The following SERINC5 variants were observed in gnomAD, a reference collection of about 807,000 sequenced individuals.
SERINC5 encodes serine incorporator 5.
SERINC5 carries 41 observed loss-of-function variants against 63.1 expected under a neutral mutation model. The observed-to-expected ratio is 0.65, with a 90% CI of 0.51 to 0.84. SERINC5 has a LOEUF of 0.84. Among genes scored for constraint, SERINC5 ranks in the 40% least tolerant of loss-of-function variants. The pLI is 0.00. For synonymous variants in SERINC5, 222 were observed against 215.2 expected, an observed-to-expected ratio of 1.03 and a Z score of -0.28; for missense variants, 523 against 573.0, an observed-to-expected ratio of 0.91 and a Z score of 0.89.
At chr5:80,206,733 C>T (rs1750182285) in intron 1 of SERINC5, among the ~76,000 whole-genome samples, 2 of 151,946 alleles carry the variant, frequency 1.3e-5, no homozygotes, top group South Asian at 2.1e-4. Context: ...TACAACTGTC[C>T]CCTCCCCACT....
chr5:80,206,449 A>G (rs915715924), intron 1 of SERINC5, among the ~76,000 whole-genome samples: 4 of 152,066 alleles, frequency 2.6e-5, no homozygotes, highest in Admixed American at 6.6e-5. Flanking sequence ...ATCACTACAA[A>G]TTTTTCCTAA....
chr5:80,213,437 C>T (rs1422954473), intron 1 of SERINC5, among the ~76,000 whole-genome samples: 1 of 152,118 alleles, frequency 6.6e-6, no homozygotes, highest in African/African-American at 2.4e-5. Flanking sequence ...ACAGAGCCCG[C>T]AAGTACTAGA....
intron 7 of SERINC5, among the ~76,000 whole-genome samples, chr5:80,160,794 TTGTC>T (rs971367827): frequency 4.2e-4 from 64 of 152,158 alleles, no homozygotes; most frequent in African/African-American, 1.4e-3. Context: ...CATGCAGTAT[TTGTC>T]TGTGTCTGCT....
At chr5:80,198,403 C>G (rs777263986) in intron 2 of SERINC5, 5 of 382,384 alleles carry the variant, frequency 1.3e-5, no homozygotes, top group Non-Finnish European at 1.8e-5. Flanking sequence ...GCAGTCCCCT[C>G]TTACTCAAAC....
intron 11 of SERINC5, among the ~76,000 whole-genome samples, chr5:80,125,972 G>A (rs1042204759): frequency 1.3e-5 from 2 of 152,192 alleles, no homozygotes; most frequent in Admixed American, 6.5e-5. Flanking sequence ...CTAGACTCAC[G>A]CTGGTTCAGT....
At chr5:80,198,148 A>G (rs1749621844) in intron 2 of SERINC5, among the ~76,000 whole-genome samples, 1 of 152,066 alleles carries the variant, frequency 6.6e-6, no homozygotes, top group African/African-American at 2.4e-5. Flanking sequence ...TCTAAAATGG[A>G]TTTTTAATCC....
chr5:80,128,469 G>T (rs1427307635), intron 11 of SERINC5: 6 of 152,066 alleles, frequency 3.9e-5, no homozygotes, highest in Non-Finnish European at 8.8e-5. Flanking sequence ...CTGATATAAT[G>T]GTTATACAAA....
chr5:80,196,354 G>A (rs1580150554), intron 2 of SERINC5, among the ~76,000 whole-genome samples: 1 of 152,100 alleles, frequency 6.6e-6, no homozygotes, highest in Admixed American at 6.6e-5. Flanking sequence ...AAAAAAAGAT[G>A]TACCATTAAG....
At chr5:80,254,494 G>A (rs965806411) in intron 1 of SERINC5, among the ~76,000 whole-genome samples, 2 of 152,226 alleles carry the variant, frequency 1.3e-5, no homozygotes, top group African/African-American at 4.8e-5. Flanking sequence ...GGCAGAAAGA[G>A]CCTCAAGGGG....
chr5:80,234,225 T>C (rs1751585972), intron 1 of SERINC5, among the ~76,000 whole-genome samples: 1 of 152,162 alleles, frequency 6.6e-6, no homozygotes, highest in South Asian at 2.1e-4. Flanking sequence ...GAATAATACT[T>C]CCTAATAATC....
chr5:80,143,653 G>T lies in SERINC5; in HGVS notation c.*10C>A. On this transcript the variant is annotated 3_prime_UTR_variant, in exon 12 of 12. Transcript: ENST00000507668. Reference sequence around the variant, plus strand: ...GTAGGCCCACAAAGCCCAGGGGACCGCCGATATCATCACACAGAGAACTCC... The same window carrying T: ...GTAGGCCCACAAAGCCCAGGGGACCTCCGATATCATCACACAGAGAACTCC... 1 of 1,535,422 alleles carries T rather than the reference G, an allele frequency of 6.5e-7. No individual in the cohort carries two copies. Among genetic ancestry groups the T allele is most frequent in the Non-Finnish European group, 8.7e-7 (1 of 1,146,552 alleles).
At chr5:80,164,649 G>A (rs1201227356) in intron 7 of SERINC5, among the ~76,000 whole-genome samples, 1 of 152,002 alleles carries the variant, frequency 6.6e-6, no homozygotes, top group African/African-American at 2.4e-5. Context: ...CTCCCAAAGT[G>A]CTAGGATTAC....
Position 80,222,241 on chromosome 5 carries a change from G to A in SERINC5, c.28-19188C>T, listed in dbSNP as rs556170740. ...ACACTGAGGAACAAACACAGAGGACGCAGGGGAAAATCTGCTACGCTATGC... is the reference window on the plus strand; with the variant it reads ...ACACTGAGGAACAAACACAGAGGACACAGGGGAAAATCTGCTACGCTATGC... On this transcript the variant is annotated intron_variant, in intron 1 of 11. Coordinates refer to ENST00000507668, the MANE Select transcript of SERINC5 (RefSeq NM_001174072.3). Among the ~76,000 whole-genome samples the A allele has an allele frequency of 4.6e-5, 7 of 152,206 alleles. No homozygotes were observed. In the South Asian group the frequency reaches 1.2e-3, roughly 27 times the overall value.
At chr5:80,248,542 C>T (rs1008614965) in intron 1 of SERINC5, among the ~76,000 whole-genome samples, 1 of 152,152 alleles carries the variant, frequency 6.6e-6, no homozygotes, top group Non-Finnish European at 1.5e-5. Flanking sequence ...CCCAATAGAC[C>T]TCAGGTAACT....
intron 2 of SERINC5, among the ~76,000 whole-genome samples, chr5:80,200,601 A>G (rs916777841): frequency 1.3e-5 from 2 of 152,206 alleles, no homozygotes; most frequent in African/African-American, 4.8e-5. Context: ...TGTCTTACTG[A>G]AGAAAGAGCC....
chr5:80,124,818 A>G (rs1421181472), intron 11 of SERINC5, among the ~76,000 whole-genome samples: 1 of 152,106 alleles, frequency 6.6e-6, no homozygotes, highest in Non-Finnish European at 1.5e-5. Flanking sequence ...GTCAGGCACC[A>G]TCCTTGACCA....
At chr5:80,219,973 C>T (rs554140926) in intron 1 of SERINC5, among the ~76,000 whole-genome samples, 4 of 152,108 alleles carry the variant, frequency 2.6e-5, no homozygotes, top group Admixed American at 2.0e-4. Flanking sequence ...CTTTGGAGGC[C>T]GAGGCAGGTG....
chr5:80,147,413 T>G, intron 9 of SERINC5, 129 bp from the exon 10 acceptor site: 1 of 933,132 alleles, frequency 1.1e-6, no homozygotes, highest in South Asian at 1.5e-5. Context: ...CTTTCCCAGG[T>G]GTGCTGGGTG....
At chr5:80,184,643 T>C (rs1748687395) in intron 2 of SERINC5, among the ~76,000 whole-genome samples, 1 of 152,204 alleles carries the variant, frequency 6.6e-6, no homozygotes. Context: ...GTGGTAAGTA[T>C]TTTTGGGCAA....
Sources: allele counts gnomAD v4.1 joint callset (sites outside exome capture counted in the v4.1 genomes callset), GRCh38; gene constraint gnomAD v4.1.1; transcripts MANE v1.5; gene names NCBI Gene and HGNC (gene_info 2026-07-23, HGNC 2026-07-21).